The following PIK3CB variants were observed in gnomAD, a reference collection of about 807,000 sequenced individuals.
PIK3CB encodes phosphatidylinositol 4,5-bisphosphate 3-kinase catalytic subunit beta isoform.
A neutral mutation model predicts 136.8 loss-of-function variants in PIK3CB; 39 were observed. The observed-to-expected ratio is 0.29, with a 90% CI of 0.22 to 0.37. PIK3CB has a LOEUF of 0.37. Ranked by LOEUF, PIK3CB falls within the 10% of genes least tolerant of loss-of-function variation. The pLI, the probability that PIK3CB is intolerant of heterozygous loss-of-function variation, is 1.00. For synonymous variants in PIK3CB, 428 were observed against 436.6 expected, an observed-to-expected ratio of 0.98 and a Z score of 0.25; for missense variants, 868 against 1,275.4, an observed-to-expected ratio of 0.68 and a Z score of 4.87.
intron 13 of PIK3CB, among the ~76,000 whole-genome samples, chr3:138,696,544 G>A (rs80311448): frequency 0.039 from 5,971 of 152,094 alleles, 615 homozygotes; most frequent in East Asian, 0.27. Flanking sequence ...TATTGAATAA[G>A]GCTAGCTCTT....
intron 2 of PIK3CB, among the ~76,000 whole-genome samples, chr3:138,764,454 A>G (rs1328110609): frequency 3.3e-5 from 5 of 151,684 alleles, no homozygotes; most frequent in African/African-American, 1.2e-4. Context: ...TGTCTCAAAA[A>G]GTAAAATAAA....
At chr3:138,686,714 A>G (rs1577072214) in intron 16 of PIK3CB, among the ~76,000 whole-genome samples, 1 of 152,228 alleles carries the variant, frequency 6.6e-6, no homozygotes, top group South Asian at 2.1e-4. Flanking sequence ...GATTTAATTT[A>G]TAACATGTTT....
In PIK3CB at chr3:138,779,377, C is replaced by T. The variant is rs111618179; in HGVS notation, c.-17+17086G>A. Among the ~76,000 whole-genome samples the T allele has an allele frequency of 7.7e-3, 1,140 of 148,718 alleles. 14 individuals are homozygous for T. Among genetic ancestry groups the T allele is most frequent in the African/African-American group, 0.024 (977 of 40,382 alleles). The stretch of plus-strand genomic sequence containing the variant: ...CTGGGATTACAGGCGTGAGCCACCA[C>T]GCCCGGCCTTCTTTTTTTTTTTTTT... On this transcript the variant is annotated intron_variant, in intron 2 of 23. Coordinates refer to ENST00000674063, the MANE Select transcript of PIK3CB (RefSeq NM_006219.3).
rs545928058 is a variant in PIK3CB at position 138,748,373 on chromosome 3, C to CT, written c.398-5593dup. On this transcript the variant is annotated intron_variant, in intron 4 of 23. Coordinates refer to ENST00000674063, the MANE Select transcript of PIK3CB (RefSeq NM_006219.3). ...CCATCAGGCATCTCTGAAACCTTCC[C>CT]TTTTTTTTCACTGTAAAGCTTTCCC... is the stretch of plus-strand genomic sequence containing the variant. Among the ~76,000 whole-genome samples the CT allele has an allele frequency of 3.3e-3, 500 of 151,988 alleles. 1 individual carries two copies. Among genetic ancestry groups the CT allele is most frequent in the Non-Finnish European group, 6.0e-3 (411 of 67,956 alleles).
chr3:138,699,546 T>C (rs2044205432), intron 12 of PIK3CB, among the ~76,000 whole-genome samples: 1 of 151,688 alleles, frequency 6.6e-6, no homozygotes, highest in South Asian at 2.1e-4. Context: ...AAGACAGTTA[T>C]AAGACTAGAA....
intron 9 of PIK3CB, among the ~76,000 whole-genome samples, chr3:138,713,932 G>A (rs551596623): frequency 5.9e-5 from 9 of 152,150 alleles, no homozygotes; most frequent in African/African-American, 2.2e-4. Flanking sequence ...GCAAAAAGTG[G>A]CCAGAGATAA....
chr3:138,811,239 C>A, intron 1 of PIK3CB, among the ~76,000 whole-genome samples: 1 of 27,764 alleles, frequency 3.6e-5, no homozygotes, highest in Admixed American at 4.4e-4. Context: ...CAAGACTCTG[C>A]CAAAAAAAAA....
intron 6 of PIK3CB, among the ~76,000 whole-genome samples, chr3:138,736,001 C>A (rs2045095210): frequency 6.6e-6 from 1 of 151,972 alleles, no homozygotes; most frequent in African/African-American, 2.4e-5. Flanking sequence ...CCTGTCTAAC[C>A]CTGCACAAAA....
chr3:138,788,395 G>C (rs369352380), intron 2 of PIK3CB, among the ~76,000 whole-genome samples: 1 of 151,628 alleles, frequency 6.6e-6, no homozygotes, highest in East Asian at 2.0e-4. Context: ...AGTGGCTCAC[G>C]CCTGTAATCC....
chr3:138,742,843 G>T (rs2045272536), intron 4 of PIK3CB, 62 bp from the exon 5 acceptor site: 1 of 917,352 alleles, frequency 1.1e-6, no homozygotes. Flanking sequence ...AATATAGAAA[G>T]AATACAAAGT....
rs183379750 is a variant in PIK3CB at position 138,805,029 on chromosome 3, A to C, written c.-121-8462T>G. Among the ~76,000 whole-genome samples, 129 of 150,430 alleles carry C rather than the reference A, an allele frequency of 8.6e-4. 1 individual carries two copies. In the South Asian group the frequency reaches 9.5e-3, roughly 11 times the overall value. ...GACACAGCGAGACTCCATCTCAAAA[A>C]AAGAAAAAAAACCCTCAGTATTTGG... On this transcript the variant is annotated intron_variant, in intron 1 of 23. Transcript: ENST00000674063.
At chr3:138,669,356 C>T (rs2043482085) in intron 19 of PIK3CB, among the ~76,000 whole-genome samples, 1 of 135,386 alleles carries the variant, frequency 7.4e-6, no homozygotes, top group Non-Finnish European at 1.5e-5. Flanking sequence ...TGCGGTGAAC[C>T]ATGATTGTGC....
Position 138,804,517 on chromosome 3 carries a change from A to T in PIK3CB, c.-121-7950T>A, listed in dbSNP as rs1576422993. On this transcript the variant is annotated intron_variant, in intron 1 of 23. Transcript: ENST00000674063. ...TAACAGAGACCTTGTCTCAAAAAAA[A>T]CAAAAGAGCAAAAAGCTTGGAAACT... Among the ~76,000 whole-genome samples the T allele has an allele frequency of 2.6e-5, 4 of 152,300 alleles. No homozygotes were observed. The South Asian group carries it at 8.3e-4, about 32-fold the overall frequency.
At chr3:138,730,587 T>G (rs908516446) in intron 8 of PIK3CB, among the ~76,000 whole-genome samples, 2 of 152,176 alleles carry the variant, frequency 1.3e-5, no homozygotes, top group Non-Finnish European at 2.9e-5. Context: ...ATATTCCATA[T>G]GACTTGTGGG....
chr3:138,717,685 C>T (rs1449227597), intron 8 of PIK3CB, among the ~76,000 whole-genome samples: 1 of 152,176 alleles, frequency 6.6e-6, no homozygotes, highest in East Asian at 1.9e-4. Flanking sequence ...TCTTCTCCCT[C>T]CTCCCCGCTT....
In PIK3CB at chr3:138,782,359, C is replaced by T. The variant is rs147614729; in HGVS notation, c.-17+14104G>A. Among the ~76,000 whole-genome samples, 11 of 152,220 alleles carry T rather than the reference C, an allele frequency of 7.2e-5. No homozygotes were observed. In the East Asian group the frequency reaches 1.9e-3, roughly 27 times the overall value. On this transcript the variant is annotated intron_variant, in intron 2 of 23. Coordinates refer to ENST00000674063, the MANE Select transcript of PIK3CB (RefSeq NM_006219.3). The stretch of plus-strand genomic sequence containing the variant: ...CCTTCAAAATTGAATTGGAACAAGG[C>T]GAATGAAGAAACGATGGAAACACTT...
chr3:138,801,834 G>C (rs139017960), intron 1 of PIK3CB, among the ~76,000 whole-genome samples: 1 of 125,904 alleles, frequency 7.9e-6, no homozygotes, highest in Non-Finnish European at 1.6e-5. Context: ...CTGCACTCCA[G>C]ACTGGTGACA....
chr3:138,664,945 C>T, intron 20 of PIK3CB, 91 bp downstream of exon 20: 1 of 770,900 alleles, frequency 1.3e-6, no homozygotes, highest in Non-Finnish European at 2.0e-6. Flanking sequence ...ACTAATATTT[C>T]CTCTAACACA....
At chr3:138,724,506 C>T (rs767229161) in intron 8 of PIK3CB, among the ~76,000 whole-genome samples, 1 of 152,116 alleles carries the variant, frequency 6.6e-6, no homozygotes, top group Non-Finnish European at 1.5e-5. Flanking sequence ...ACTGTTAAGT[C>T]GGTCTCTGTC....
Sources: allele counts gnomAD v4.1 joint callset (sites outside exome capture counted in the v4.1 genomes callset), GRCh38; gene constraint gnomAD v4.1.1; transcripts MANE v1.5; gene names NCBI Gene and HGNC (gene_info 2026-07-23, HGNC 2026-07-21).